The following PRPSAP2 variants were observed in gnomAD, a reference collection of about 807,000 sequenced individuals.
PRPSAP2 encodes the protein phosphoribosyl pyrophosphate synthetase associated protein 2.
Under a neutral mutation model 40.6 loss-of-function variants are expected in PRPSAP2, and 24 were observed. That is an observed-to-expected ratio of 0.59 (90% CI 0.43 to 0.83). The LOEUF (loss-of-function observed/expected upper bound fraction) is 0.83, where lower values mean the gene tolerates loss of function less well. PRPSAP2 is among the 40% of genes least tolerant of loss of function. The probability of loss-of-function intolerance (pLI) is 0.00; values close to 1 mark genes in which losing one functional copy is unlikely to be tolerated. For synonymous variants in PRPSAP2, 149 were observed against 164.7 expected, an observed-to-expected ratio of 0.90 and a Z score of 0.73; for missense variants, 292 against 465.6, an observed-to-expected ratio of 0.63 and a Z score of 3.43.
intron 9 of PRPSAP2, chr17:18,917,283 C>T (rs997628497): frequency 1.3e-5 from 2 of 151,502 alleles, no homozygotes; most frequent in Non-Finnish European, 2.9e-5. Flanking sequence ...TGATTAAACT[C>T]TTTTGTGAGT....
At chr17:18,870,123 A>G (rs1340792425) in intron 4 of PRPSAP2, among the ~76,000 whole-genome samples, 1 of 152,048 alleles carries the variant, frequency 6.6e-6, no homozygotes, top group Non-Finnish European at 1.5e-5. Context: ...ATTTTCCTAC[A>G]TTTTTAATGA....
intron 10 of PRPSAP2, among the ~76,000 whole-genome samples, chr17:18,925,501 C>T (rs1299779755): frequency 6.6e-6 from 1 of 152,142 alleles, no homozygotes; most frequent in Non-Finnish European, 1.5e-5. Context: ...TGAAATTTAC[C>T]TGTGTAGTGG....
chr17:18,870,625 A>T (rs1222565808), intron 4 of PRPSAP2, among the ~76,000 whole-genome samples: 1 of 152,030 alleles, frequency 6.6e-6, no homozygotes, highest in African/African-American at 2.4e-5. Context: ...CCTGGGCAAC[A>T]TGGCAAAACC....
intron 6 of PRPSAP2, among the ~76,000 whole-genome samples, chr17:18,880,021 G>A (rs568699946): frequency 5.3e-5 from 8 of 152,176 alleles, no homozygotes; most frequent in African/African-American, 1.9e-4. Context: ...GCTTGAACCC[G>A]GGAGGTGGAG....
upstream of PRPSAP2, among the ~76,000 whole-genome samples, chr17:18,857,597 T>G (rs1224294450): frequency 7.9e-6 from 1 of 127,118 alleles, no homozygotes; most frequent in Admixed American, 7.8e-5. Context: ...TTTTTTGTAT[T>G]TTTAGTAGAG....
chr17:18,897,895 C>T (rs2040011970), intron 8 of PRPSAP2, among the ~76,000 whole-genome samples: 1 of 151,806 alleles, frequency 6.6e-6, no homozygotes, highest in Non-Finnish European at 1.5e-5. Flanking sequence ...GAAGTCATAC[C>T]TCTCTGTGTC....
Position 18,861,050 on chromosome 17 carries a change from C to T in PRPSAP2, c.-129+2789C>T, listed in dbSNP as rs201077035. Among the ~76,000 whole-genome samples, 11 of 152,296 alleles carry T rather than the reference C, an allele frequency of 7.2e-5. No individual in the cohort carries two copies. In the East Asian group the frequency reaches 1.7e-3, roughly 24 times the overall value. ...CTAAAACCTTGTGCTAACAAGCCTC[C>T]TGCCAGCCCCATCTCGATGATTATT... is the stretch of plus-strand genomic sequence containing the variant. On this transcript the variant is annotated intron_variant, in intron 1 of 11. Coordinates refer to ENST00000268835, the MANE Select transcript of PRPSAP2 (RefSeq NM_002767.4).
chr17:18,856,722 T>G (rs1377091730), upstream of PRPSAP2, among the ~76,000 whole-genome samples: 1 of 152,216 alleles, frequency 6.6e-6, no homozygotes, highest in Non-Finnish European at 1.5e-5. Flanking sequence ...AAGTGAAGAC[T>G]GGTGCAAAGC....
chr17:18,902,647 A>T, intron 8 of PRPSAP2, among the ~76,000 whole-genome samples: 1 of 151,960 alleles, frequency 6.6e-6, no homozygotes, highest in Non-Finnish European at 1.5e-5. Flanking sequence ...AGGGGGGTGG[A>T]TCACTTGAGG....
intron 7 of PRPSAP2, among the ~76,000 whole-genome samples, chr17:18,883,632 T>C (rs771803800): frequency 3.4e-4 from 52 of 152,224 alleles, no homozygotes; most frequent in Middle Eastern, 3.4e-3. Flanking sequence ...GTGATCTGCC[T>C]GCCTCGGCCT....
intron 8 of PRPSAP2, among the ~76,000 whole-genome samples, chr17:18,906,451 C>G (rs12940837): frequency 6.6e-6 from 1 of 151,734 alleles, no homozygotes; most frequent in Non-Finnish European, 1.5e-5. Flanking sequence ...CTTGACCTTG[C>G]GATCCACCCG....
At chr17:18,900,482 T>G (rs543705899) in intron 8 of PRPSAP2, among the ~76,000 whole-genome samples, 1 of 152,348 alleles carries the variant, frequency 6.6e-6, no homozygotes, top group African/African-American at 2.4e-5. Flanking sequence ...GTCATCTTGG[T>G]GTTGGCATCT....
intron 10 of PRPSAP2, chr17:18,928,486 T>C (rs1473400745): frequency 3.3e-6 from 1 of 307,006 alleles, no homozygotes; most frequent in African/African-American, 2.1e-5. Flanking sequence ...TATACCTCCA[T>C]CATTTCTGGT....
At chr17:18,875,427 T>A (rs1021838125) in intron 5 of PRPSAP2, among the ~76,000 whole-genome samples, 6 of 151,222 alleles carry the variant, frequency 4.0e-5, no homozygotes, top group Admixed American at 1.3e-4. Flanking sequence ...TAGCTGGGCA[T>A]GGTCATGAGC....
At chr17:18,893,727 AT>A (rs59014013) in intron 8 of PRPSAP2, among the ~76,000 whole-genome samples, 1,773 of 151,460 alleles carry the variant, frequency 0.012, 36 homozygotes, top group African/African-American at 0.041. Context: ...TGCCTGGCTA[AT>A]TTTTGTGTTT....
At chr17:18,928,717 G>A (rs757865754) in intron 10 of PRPSAP2, 94 bp from the exon 11 acceptor site, 20 of 1,536,854 alleles carry the variant, frequency 1.3e-5, no homozygotes, top group Admixed American at 1.2e-4. Context: ...GATTTTTCAC[G>A]GTAAATGTAG....
chr17:18,904,702 T>G (rs1191463067), intron 8 of PRPSAP2: 1 of 152,256 alleles, frequency 6.6e-6, no homozygotes, highest in Non-Finnish European at 1.5e-5. Flanking sequence ...AAAGTGTTGC[T>G]TTTGTAAGGA....
intron 8 of PRPSAP2, chr17:18,908,218 G>A (rs1902194315): frequency 1.4e-6 from 1 of 690,332 alleles, no homozygotes; most frequent in Admixed American, 2.3e-5. Context: ...CACGGAGCCA[G>A]CGACGGGAGG....
intron 10 of PRPSAP2, 126 bp from the exon 11 acceptor site, chr17:18,928,685 C>A: frequency 7.7e-7 from 1 of 1,303,370 alleles, no homozygotes. Context: ...ATGCCGTCTG[C>A]ACAAGGCCAA....
Sources: gnomAD v4.1 joint callset for allele counts (sites outside exome capture counted in the v4.1 genomes callset) on GRCh38, gnomAD v4.1.1 for gene constraint, MANE v1.5 for transcripts, NCBI Gene and HGNC (gene_info 2026-07-23, HGNC 2026-07-21) for gene names.